Variants in GPCPD1 observed in about 807,000 individuals in gnomAD.
GPCPD1 encodes glycerophosphocholine phosphodiesterase 1.
A neutral mutation model predicts 89.2 loss-of-function variants in GPCPD1; 29 were observed. That is an observed-to-expected ratio of 0.33 (90% CI 0.24 to 0.44). The LOEUF (loss-of-function observed/expected upper bound fraction) is 0.44. Among genes scored for constraint, GPCPD1 ranks in the 20% least tolerant of loss-of-function variants. The pLI is 1.00. For synonymous variants in GPCPD1, 258 were observed against 266.3 expected (o/e 0.97, Z 0.30); for missense variants, 594 against 808.9 (o/e 0.73, Z 3.22).
At chr20:5,583,503 G>A (rs1372787188) in intron 6 of GPCPD1, among the ~76,000 whole-genome samples, 2 of 152,156 alleles carry the variant, frequency 1.3e-5, no homozygotes, top group African/African-American at 2.4e-5. Flanking sequence ...AGCCGAGACT[G>A]CACCACTGCA....
intron 19 of GPCPD1, among the ~76,000 whole-genome samples, chr20:5,553,137 T>C (rs1459606623): frequency 6.6e-6 from 1 of 152,226 alleles, no homozygotes; most frequent in Non-Finnish European, 1.5e-5. Context: ...AGCAAGTCTG[T>C]TGGTGCCATT....
rs1195847077 is a variant in GPCPD1 at position 5,547,761 on chromosome 20, C to A, written c.1919G>T (p.Cys640Phe). The A allele has an allele frequency of 3.7e-6, 6 of 1,611,310 alleles. No individual in the cohort carries two copies. The highest frequency in any genetic ancestry group is 1.7e-5 in the Admixed American group (1 of 60,022). Residue 640 changes from cysteine (C) to phenylalanine (F), a missense_variant, in exon 20 of 20, where the codon TGT becomes TTT. Physicochemically the swap from Cys to Phe is radical, Grantham distance 205. Transcript: ENST00000379019. ...AAAGCGGCTAACAGTGGGACACAAA[C>A]AGCTCTTAAGCTCTGGCAATTCCTG... ...LKQELPELKS[C>F]LCPTVSRFVP...
chr20:5,559,428 A>G (rs938578839), intron 17 of GPCPD1, among the ~76,000 whole-genome samples: 1 of 152,144 alleles, frequency 6.6e-6, no homozygotes, highest in African/African-American at 2.4e-5. Flanking sequence ...TCTACAAAAA[A>G]TACAAAATTA....
In GPCPD1 at chr20:5,598,825, AAGAAACAGAACAATCAGTCACAG is replaced by A. The variant is rs572649324; in HGVS notation, c.50-27_50-5del. 2.9e-4 allele frequency: 458 copies of A among 1,570,328 alleles called. 1 individual carries two copies. Among genetic ancestry groups the A allele is most frequent in the African/African-American group, 2.1e-3 (159 of 74,190 alleles). Reference sequence around the variant, plus strand: ...CCACATATCGCAAAAACTTCTCCTAAAGAAACAGAACAATCAGTCACAGAGAAACAGAACAATCAGTCACAGTG... The same window carrying A: ...CCACATATCGCAAAAACTTCTCCTAAAGAAACAGAACAATCAGTCACAGTG... On this transcript the variant is annotated splice_region_variant and splice_polypyrimidine_tract_variant and intron_variant, in intron 2 of 19. Coordinates refer to ENST00000379019, the MANE Select transcript of GPCPD1 (RefSeq NM_019593.5).
In GPCPD1 at chr20:5,575,849, T is replaced by C. The variant is rs1461325632; in HGVS notation, c.835A>G (p.Arg279Gly). The change falls in exon 9 of 20, where the codon AGA becomes GGA. Residue 279 changes from arginine (R) to glycine (G), a missense_variant. Coordinates refer to ENST00000379019, the MANE Select transcript of GPCPD1 (RefSeq NM_019593.5). ...AGILTLPIMS[R>G]NSRKTIGKVR... ...TTGCCTATTGTTTTCCGGGAATTTC[T>C]GCTCATGATGGGAAGAGTAAGAATT... The C allele has an allele frequency of 6.2e-7, 1 of 1,610,752 alleles. No homozygotes were observed. Among genetic ancestry groups the C allele is most frequent in the Non-Finnish European group, 8.5e-7 (1 of 1,177,872 alleles).
At chr20:5,557,090 A>G (rs1985815836) in intron 19 of GPCPD1, among the ~76,000 whole-genome samples, 1 of 152,150 alleles carries the variant, frequency 6.6e-6, no homozygotes, top group Non-Finnish European at 1.5e-5. Flanking sequence ...CAGATGGGGG[A>G]ATTTTGTGGA....
intron 3 of GPCPD1, among the ~76,000 whole-genome samples, chr20:5,596,352 A>G (rs886841537): frequency 6.6e-6 from 1 of 152,168 alleles, no homozygotes; most frequent in Non-Finnish European, 1.5e-5. Context: ...AAATCGTGTC[A>G]TCGCACTCCA....
chr20:5,567,715 C>A, intron 12 of GPCPD1, 155 bp from the exon 13 acceptor site: 1 of 662,540 alleles, frequency 1.5e-6, no homozygotes, highest in Non-Finnish European at 2.3e-6. Context: ...CATACTGAGC[C>A]CATGCAGGAC....
chr20:5,609,683 G>C (rs1303583425), intron 1 of GPCPD1, among the ~76,000 whole-genome samples: 1 of 152,076 alleles, frequency 6.6e-6, no homozygotes, highest in Admixed American at 6.6e-5. Context: ...TTTCTCAAGA[G>C]TCCAGCTTTC....
chr20:5,604,616 G>GT (rs1555810992), intron 1 of GPCPD1, among the ~76,000 whole-genome samples, 176 bp from the exon 2 acceptor site: 1 of 66,742 alleles, frequency 1.5e-5, no homozygotes, highest in African/African-American at 7.5e-5. Context: ...TAGTGCGGGG[G>GT]GGGGGGGGCG....
chr20:5,580,383 T>C (rs1401857548), intron 6 of GPCPD1, among the ~76,000 whole-genome samples: 1 of 152,178 alleles, frequency 6.6e-6, no homozygotes, highest in Non-Finnish European at 1.5e-5. Flanking sequence ...AGCAAATAAG[T>C]ATTTTTAGAA....
intron 19 of GPCPD1, among the ~76,000 whole-genome samples, chr20:5,549,985 G>A (rs1985286922): frequency 6.6e-6 from 1 of 151,990 alleles, no homozygotes; most frequent in South Asian, 2.1e-4. Flanking sequence ...CTGAGCTCAG[G>A]AGTTCAAGAC....
intron 5 of GPCPD1, chr20:5,585,554 G>C (rs1046841827): frequency 1.4e-5 from 2 of 139,934 alleles, no homozygotes; most frequent in African/African-American, 5.4e-5. Context: ...ATACTTGTAT[G>C]AAGAGAAATG....
At chr20:5,579,729 C>T (rs1446071022) in intron 7 of GPCPD1, among the ~76,000 whole-genome samples, 2 of 152,204 alleles carry the variant, frequency 1.3e-5, no homozygotes, top group Non-Finnish European at 2.9e-5. Context: ...TATTGCTACA[C>T]TATGAAAATT....
At chr20:5,564,340 AC>A (rs778322495) in intron 15 of GPCPD1, among the ~76,000 whole-genome samples, 9 of 150,470 alleles carry the variant, frequency 6.0e-5, no homozygotes, top group African/African-American at 9.8e-5. Flanking sequence ...AAAAAAAAAA[AC>A]CAAAAACTGC....
At position 5,557,931 on chromosome 20, in the gene GPCPD1, T is replaced by C. The variant is rs201877050; in HGVS notation, c.1829+14A>G. 6 of 1,439,414 alleles carry C rather than the reference T, an allele frequency of 4.2e-6. No homozygotes were observed. In the South Asian group the frequency reaches 6.2e-5, roughly 15 times the overall value. 89.2% of individuals were successfully genotyped at this position (1,439,414 alleles called of 1,614,324 possible). A position where few individuals can be genotyped will look rare whatever the true frequency, so the allele number is the denominator to read the frequency against. On this transcript the variant is annotated intron_variant, in intron 19 of 19. Coordinates refer to ENST00000379019, the MANE Select transcript of GPCPD1 (RefSeq NM_019593.5). ...TTCTAAATTCCATGAAAATTTTTCA[T>C]GAAAAACAAATACCTATCATAAATT...
intron 6 of GPCPD1, among the ~76,000 whole-genome samples, chr20:5,581,258 A>C (rs971059247): frequency 3.9e-5 from 6 of 152,224 alleles, no homozygotes; most frequent in African/African-American, 1.4e-4. Flanking sequence ...GGTAGTCTTA[A>C]ATTCTTCATT....
At chr20:5,594,509 G>A (rs1979568112) in intron 3 of GPCPD1, among the ~76,000 whole-genome samples, 1 of 151,990 alleles carries the variant, frequency 6.6e-6, no homozygotes, top group South Asian at 2.1e-4. Context: ...AGCCAGGATG[G>A]TTTCGATCTC....
At chr20:5,549,466 T>C (rs1272790871) in intron 19 of GPCPD1, 4 of 1,211,380 alleles carry the variant, frequency 3.3e-6, no homozygotes, top group Non-Finnish European at 4.8e-6. Flanking sequence ...CCACTAAAAA[T>C]AGGTTTGTTG....
Sources: gnomAD v4.1 joint callset for allele counts (sites outside exome capture counted in the v4.1 genomes callset) on GRCh38, gnomAD v4.1.1 for gene constraint, MANE v1.5 for transcripts, NCBI Gene and HGNC (gene_info 2026-07-23, HGNC 2026-07-21) for gene names.